Variants in TUBD1 observed in about 807,000 individuals in gnomAD.
The protein encoded by TUBD1 is tubulin delta 1, also known as tubulin delta chain.
A neutral mutation model predicts 51.2 loss-of-function variants in TUBD1; 38 were observed. The ratio of observed to expected loss-of-function variants is 0.74; its 90% CI spans 0.57 to 0.97. The LOEUF (loss-of-function observed/expected upper bound fraction) is 0.97, where lower values mean the gene tolerates loss of function less well. Ranked by LOEUF, TUBD1 falls within the 50% of genes least tolerant of loss-of-function variation. The probability of loss-of-function intolerance (pLI) is 0.00; values close to 1 mark genes in which losing one functional copy is unlikely to be tolerated. For synonymous variants in TUBD1, 169 were observed against 178.2 expected (o/e 0.95, Z 0.41); for missense variants, 489 against 538.4 (o/e 0.91, Z 0.91).
At chr17:59,880,727 G>T (rs1182978621) in intron 4 of TUBD1, among the ~76,000 whole-genome samples, 167 bp downstream of exon 4, 3 of 151,848 alleles carry the variant, frequency 2.0e-5, no homozygotes, top group African/African-American at 4.8e-5. Context: ...TGTTAGCCGG[G>T]ATGGTCTCGA....
chr17:59,881,645 AT>A (rs2040493007), intron 3 of TUBD1, among the ~76,000 whole-genome samples: 1 of 151,538 alleles, frequency 6.6e-6, no homozygotes, highest in African/African-American at 2.4e-5. Context: ...TATTTTTTCT[AT>A]GTGTTGGGAA....
At chr17:59,878,523 C>T (rs2040331987) in intron 4 of TUBD1, 189 bp from the exon 5 acceptor site, 3 of 520,518 alleles carry the variant, frequency 5.8e-6, no homozygotes, top group South Asian at 2.2e-5. Context: ...GAGACTCTGT[C>T]GCCCAGGCTG....
intron 2 of TUBD1, 172 bp from the exon 3 acceptor site, chr17:59,886,402 G>A: frequency 1.6e-6 from 1 of 640,912 alleles, no homozygotes; most frequent in Non-Finnish European, 2.6e-6. Flanking sequence ...GCAGCAGCAG[G>A]CATATGCAGA....
chr17:59,880,444 A>C (rs1399466244), intron 4 of TUBD1, among the ~76,000 whole-genome samples: 1 of 152,170 alleles, frequency 6.6e-6, no homozygotes, highest in African/African-American at 2.4e-5. Flanking sequence ...TATGGTACTC[A>C]TATTAAATAA....
In TUBD1 at chr17:59,859,616, C is replaced by T. The variant is rs1305042816; in HGVS notation, c.*706G>A. 6.6e-6 allele frequency: 1 copy of T among 152,580 alleles called. No individual in the cohort carries two copies. The highest frequency in any genetic ancestry group is 1.5e-5 in the Non-Finnish European group (1 of 68,036). The allele number at this position is 152,580 out of a possible 1,614,324, so 9.5% of individuals were successfully genotyped here. ...CACACTGTAGCATTTGACAACATCTCCCTCCTGTGGTTCAAAGCATTCATT... is the reference window on the plus strand; with the variant it reads ...CACACTGTAGCATTTGACAACATCTTCCTCCTGTGGTTCAAAGCATTCATT... On this transcript the variant is annotated 3_prime_UTR_variant, in exon 9 of 9. Coordinates refer to ENST00000325752, the MANE Select transcript of TUBD1 (RefSeq NM_016261.4).
rs201040289 is a variant in TUBD1, at chr17:59,886,182, T to C, written c.221A>G (p.Asn74Ser). 4,404 of 1,613,938 alleles carry C rather than the reference T, an allele frequency of 2.7e-3. 137 individuals carry two copies. The South Asian group carries it at 0.046, about 17-fold the overall frequency. ...CTGGGCAGCCTTTGACAGCATTTGA[T>C]TGATAACTTTGGGTTCCATGTCAAC... The part of the protein sequence containing the change: ...VLVDMEPKVI[N>S]QMLSKAAQSG... The change falls in exon 3 of 9, where the codon AAT (asparagine) becomes AGT (serine). Residue 74 changes from asparagine (N) to serine (S), a missense_variant. Physicochemically the swap from Asn to Ser is conservative, Grantham distance 46 (BLOSUM62 1). Coordinates refer to ENST00000325752, the MANE Select transcript of TUBD1 (RefSeq NM_016261.4).
Position 59,887,018 on chromosome 17 carries a change from C to T in TUBD1, c.173-788G>A, listed in dbSNP as rs142485587. On this transcript the variant is annotated intron_variant, in intron 2 of 8. Coordinates refer to ENST00000325752, the MANE Select transcript of TUBD1 (RefSeq NM_016261.4). ...TGGCCAACATGGTGAAAACCCATCT[C>T]TACTAAAAATACAAAAAATTAGCTG... 9.9e-5 allele frequency among the ~76,000 whole-genome samples: 15 copies of T among 152,050 alleles called. No individual in the cohort carries two copies. In the East Asian group the frequency reaches 2.7e-3, roughly 28 times the overall value.
In TUBD1 at chr17:59,863,735, G is replaced by A. The variant is rs750596318; in HGVS notation, c.1188C>T (p.Val396=). 3.1e-6 allele frequency: 5 copies of A among 1,609,264 alleles called. No homozygotes were observed. The Admixed American group carries it at 6.8e-5, about 22-fold the overall frequency. ...FSKYEKSAVL[V]SNSQFLVKPL... ...GTTTTACTAAGAACTGGCTGTTGCT[G>A]ACCAACACTGCAGACTTCTCATATT... Residue 396 remains valine (V), a synonymous_variant, in exon 8 of 9, where the codon GTC becomes GTT. Coordinates refer to ENST00000325752, the MANE Select transcript of TUBD1 (RefSeq NM_016261.4).
At chr17:59,875,073 CTTTTTTTT>C (rs10679203) in intron 5 of TUBD1, among the ~76,000 whole-genome samples, 1 of 87,270 alleles carries the variant, frequency 1.1e-5, no homozygotes, top group Non-Finnish European at 2.2e-5. Context: ...TTGTTATATT[CTTTTTTTT>C]TTTTTTTTTT....
intron 6 of TUBD1, 40 bp from the exon 7 acceptor site, chr17:59,866,789 T>C (rs1243955309): frequency 3.9e-6 from 6 of 1,548,324 alleles, no homozygotes; most frequent in African/African-American, 1.4e-5. Context: ...TTATTTTATT[T>C]ACTTAGTTTT....
Position 59,881,141 on chromosome 17 carries a change from C to G in TUBD1, c.321-31G>C, listed in dbSNP as rs1012141668. On this transcript the variant is annotated intron_variant, in intron 3 of 8. Coordinates refer to ENST00000325752, the MANE Select transcript of TUBD1 (RefSeq NM_016261.4). ...CAATGGCAAAAGAAACAAACACAAACACTTTTCAATTTAACCACAGATATG... is the reference window on the plus strand; with the variant it reads ...CAATGGCAAAAGAAACAAACACAAAGACTTTTCAATTTAACCACAGATATG... The G allele has an allele frequency of 3.3e-6, 5 of 1,528,138 alleles. No homozygotes were observed. In the East Asian group the frequency reaches 1.1e-4, roughly 34 times the overall value. The allele number at this position is 1,528,138 out of a possible 1,614,324, so 94.7% of individuals were successfully genotyped here.
chr17:59,870,372 C>CAAAAAAAAAAA (rs530315478), intron 6 of TUBD1, among the ~76,000 whole-genome samples: 5 of 77,964 alleles, frequency 6.4e-5, no homozygotes, highest in Admixed American at 1.5e-4. Flanking sequence ...CTCCATCTCA[C>CAAAAAAAAAAA]AAAAAAAAAA....
intron 3 of TUBD1, 73 bp downstream of exon 3, chr17:59,886,010 G>C: frequency 1.3e-6 from 2 of 1,513,792 alleles, no homozygotes; most frequent in East Asian, 4.5e-5. Context: ...CAACTATACA[G>C]TTCTAACTTT....
Position 59,878,243 on chromosome 17 carries a change from T to C in TUBD1, c.629A>G (p.His210Arg). The C allele has an allele frequency of 1.2e-6, 2 of 1,614,136 alleles. No individual in the cohort carries two copies. The highest frequency in any genetic ancestry group is 1.7e-6 in the Non-Finnish European group (2 of 1,180,030). The change falls in exon 5 of 9, where the codon CAT (histidine) becomes CGT (arginine). Residue 210 changes from histidine (H) to arginine (R), a missense_variant. By Grantham distance (29) the His-to-Arg change is conservative (BLOSUM62 0). Transcript: ENST00000325752. ...ATTCATCAGTTTTGCACAGATCTTA[T>C]GGATGGCATCATTCTCATGAAGAAG... The part of the protein sequence containing the change: ...ALLLHENDAI[H>R]KICAKLMNIK...
intron 7 of TUBD1, among the ~76,000 whole-genome samples, chr17:59,866,228 ATTC>A (rs764244986): frequency 2.0e-5 from 3 of 146,390 alleles, no homozygotes; most frequent in African/African-American, 7.7e-5. Flanking sequence ...TCAGAAAACA[ATTC>A]TTTTTTTTTT....
At chr17:59,873,238 TAA>T (rs1221677997) in intron 6 of TUBD1, among the ~76,000 whole-genome samples, 38 of 123,796 alleles carry the variant, frequency 3.1e-4, no homozygotes, top group African/African-American at 1.1e-3. Context: ...AGACATTACT[TAA>T]GTTGTTTTTT....
chr17:59,869,840 C>T (rs1048139162), intron 6 of TUBD1, among the ~76,000 whole-genome samples: 1 of 152,098 alleles, frequency 6.6e-6, no homozygotes, highest in African/African-American at 2.4e-5. Context: ...GTAGTGATTT[C>T]TAGTTACACA....
At position 59,860,308 on chromosome 17, in the gene TUBD1, C is replaced by T. The variant is rs183561709; in HGVS notation, c.*14G>A. The T allele has an allele frequency of 2.6e-4, 400 of 1,552,906 alleles. 6 individuals are homozygous for T. The East Asian group carries it at 5.8e-3, about 22-fold the overall frequency. On this transcript the variant is annotated 3_prime_UTR_variant, in exon 9 of 9. Coordinates refer to ENST00000325752, the MANE Select transcript of TUBD1 (RefSeq NM_016261.4). ...CAGAAATGCCTTAAGGTATACTTTT[C>T]CCATTGTTCAAGATCAGAGATTACA...
chr17:59,861,950 G>T (rs371562831), intron 8 of TUBD1, among the ~76,000 whole-genome samples: 4 of 151,626 alleles, frequency 2.6e-5, no homozygotes, highest in Non-Finnish European at 5.9e-5. Context: ...ACAGGTGTGA[G>T]CCACTGCACC....
Sources: gnomAD v4.1 joint callset for allele counts (sites outside exome capture counted in the v4.1 genomes callset) on GRCh38, gnomAD v4.1.1 for gene constraint, MANE v1.5 for transcripts, NCBI Gene and HGNC (gene_info 2026-07-23, HGNC 2026-07-21) for gene names.